Variants in VPS45 observed in about 807,000 individuals in gnomAD.
VPS45 encodes vacuolar protein sorting 45 homolog, also known as vacuolar protein sorting-associated protein 45.
A neutral mutation model predicts 75.9 loss-of-function variants in VPS45; 35 were observed. That is an observed-to-expected ratio of 0.46 (90% confidence interval 0.35 to 0.61). VPS45 has a LOEUF of 0.61. Among genes scored for constraint, VPS45 ranks in the 20% least tolerant of loss-of-function variants. The pLI is 0.00. For synonymous variants in VPS45, 220 were observed against 238.2 expected (o/e 0.92, Z 0.70); for missense variants, 559 against 685.9 (o/e 0.81, Z 2.07).
At chr1:150,100,733 A>G (rs1553804072) in intron 13 of VPS45, among the ~76,000 whole-genome samples, 1 of 152,226 alleles carries the variant, frequency 6.6e-6, no homozygotes, top group African/African-American at 2.4e-5. Context: ...GCAATGGGGA[A>G]AAGACTCATT....
chr1:150,096,516 G>A (rs1490596442), intron 13 of VPS45, among the ~76,000 whole-genome samples: 1 of 152,110 alleles, frequency 6.6e-6, no homozygotes, highest in Non-Finnish European at 1.5e-5. Context: ...GATCAGGATT[G>A]GTAAGGAGAC....
At chr1:150,121,685 G>T (rs1553809618) in intron 14 of VPS45, among the ~76,000 whole-genome samples, 1 of 152,166 alleles carries the variant, frequency 6.6e-6, no homozygotes, top group Non-Finnish European at 1.5e-5. Flanking sequence ...ATCTAGAACA[G>T]TCAGGAGTTC....
intron 3 of VPS45, among the ~76,000 whole-genome samples, chr1:150,072,750 AT>A (rs1655151568): frequency 6.6e-6 from 1 of 151,542 alleles, no homozygotes; most frequent in African/African-American, 2.4e-5. Context: ...AAAATTTTAC[AT>A]TTTACTTTGC....
At chr1:150,114,047 C>G (rs1206613972) in intron 14 of VPS45, among the ~76,000 whole-genome samples, 4 of 152,154 alleles carry the variant, frequency 2.6e-5, no homozygotes, top group African/African-American at 9.7e-5. Context: ...TTTGGTTTTA[C>G]CTTTTTAAAT....
At chr1:150,090,218 A>G (rs1360569128) in intron 10 of VPS45, among the ~76,000 whole-genome samples, 1 of 152,184 alleles carries the variant, frequency 6.6e-6, no homozygotes, top group Non-Finnish European at 1.5e-5. Flanking sequence ...ATTTATTTTG[A>G]TAGTGCCACT....
In VPS45 at chr1:150,129,703, G is replaced by C. The variant is rs902027344; in HGVS notation, c.1626-15006G>C. On this transcript the variant is annotated intron_variant, in intron 14 of 14. Transcript: ENST00000644510. ...GCCTCCCGAGTAGCTGGGACTACAC[G>C]CTACCACACCCAAATAATTTTTGTA... Among the ~76,000 whole-genome samples the C allele has an allele frequency of 2.0e-5, 3 of 151,734 alleles. No homozygotes were observed. In the South Asian group the frequency reaches 6.2e-4, roughly 32 times the overall value.
In VPS45 at chr1:150,092,060, C is replaced by T; in HGVS notation, c.1228C>T (p.Leu410Phe). 1.9e-6 allele frequency: 3 copies of T among 1,614,008 alleles called. No homozygotes were observed. Among genetic ancestry groups the T allele is most frequent in the Non-Finnish European group, 2.5e-6 (3 of 1,179,970 alleles). ...SNSLPGLMMD[L>F]RNKGVSEKYR... ...TAGCCTGCCAGGACTAATGATGGAC[C>T]TCAGGAATAAAGGTGTTTCTGAGAA... is the stretch of plus-strand genomic sequence containing the variant. Residue 410 changes from leucine to phenylalanine, a missense_variant, in exon 11 of 15, where the codon CTC (leucine) becomes TTC (phenylalanine). Transcript: ENST00000644510.
intron 14 of VPS45, among the ~76,000 whole-genome samples, chr1:150,123,833 G>A (rs981721963): frequency 6.6e-6 from 1 of 152,192 alleles, no homozygotes. Flanking sequence ...CAATAGCGCT[G>A]CCATTGCTTG....
chr1:150,136,074 C>A (rs1373375448), intron 14 of VPS45, among the ~76,000 whole-genome samples: 1 of 149,720 alleles, frequency 6.7e-6, no homozygotes, highest in Non-Finnish European at 1.5e-5. Flanking sequence ...CACGGCAAAA[C>A]CCCATCTCTA....
At chr1:150,087,674 C>T (rs1273208953) in intron 10 of VPS45, among the ~76,000 whole-genome samples, 1 of 152,092 alleles carries the variant, frequency 6.6e-6, no homozygotes, top group Non-Finnish European at 1.5e-5. Context: ...AAAGGTCCTG[C>T]GTCTCCAAGG....
rs2101515546 is a variant in VPS45, at chr1:150,076,271, T to C, written c.328T>C (p.Leu110=). Residue 110 remains leucine, a synonymous_variant, in exon 4 of 15, where the codon TTG becomes CTG. Coordinates refer to ENST00000644510, the MANE Select transcript of VPS45 (RefSeq NM_007259.5). The stretch of plus-strand genomic sequence containing the variant: ...GATCAGCAAGAGTGACGTGAAGTCA[T>C]TGGCTGAAGCTGATGAACAGGAAGT... ...NVISKSDVKS[L]AEADEQEVVA... is the part of the protein sequence containing the mutation. The C allele has an allele frequency of 1.2e-6, 2 of 1,608,552 alleles. No homozygotes were observed. Among genetic ancestry groups the C allele is most frequent in the Non-Finnish European group, 1.7e-6 (2 of 1,177,174 alleles).
intron 13 of VPS45, among the ~76,000 whole-genome samples, chr1:150,099,832 CAAAAAAAAA>C (rs1241681093): frequency 9.2e-6 from 1 of 108,538 alleles, no homozygotes; most frequent in African/African-American, 3.7e-5. Context: ...GACTCCGTCT[CAAAAAAAAA>C]AAAAAAAAAA....
At chr1:150,093,932 A>G (rs1467086987) in intron 13 of VPS45, among the ~76,000 whole-genome samples, 1 of 152,224 alleles carries the variant, frequency 6.6e-6, no homozygotes, top group Non-Finnish European at 1.5e-5. Context: ...GTTCTGTTCG[A>G]TGGCATCTGG....
chr1:150,091,914 A>G, intron 10 of VPS45, 23 bp from the exon 11 acceptor site: 1 of 1,607,352 alleles, frequency 6.2e-7, no homozygotes, highest in Non-Finnish European at 8.5e-7. Context: ...AGGGGGATAA[A>G]TATAAGTTCT....
At chr1:150,116,951 C>A (rs1276128885) in intron 14 of VPS45, among the ~76,000 whole-genome samples, 1 of 152,118 alleles carries the variant, frequency 6.6e-6, no homozygotes, top group African/African-American at 2.4e-5. Flanking sequence ...ACCTGTAATC[C>A]TAGCACTTTA....
chr1:150,081,280 C>T, intron 7 of VPS45, 62 bp from the exon 8 acceptor site: 3 of 1,485,746 alleles, frequency 2.0e-6, no homozygotes, highest in Non-Finnish European at 2.7e-6. Flanking sequence ...ATTTGTTTTC[C>T]TGAACGTTTA....
At chr1:150,072,333 A>C (rs1427542579) in intron 3 of VPS45, 107 bp downstream of exon 3, 1 of 810,640 alleles carries the variant, frequency 1.2e-6, no homozygotes, top group Non-Finnish European at 1.9e-6. Flanking sequence ...TCACTATAAA[A>C]GTCTAGTTTA....
chr1:150,106,021 G>A (rs1057031732), intron 13 of VPS45, among the ~76,000 whole-genome samples: 2 of 152,182 alleles, frequency 1.3e-5, no homozygotes, highest in East Asian at 1.9e-4. Context: ...CACCCCACTC[G>A]ATAAATTATG....
At chr1:150,105,967 C>T (rs1553805617) in intron 13 of VPS45, among the ~76,000 whole-genome samples, 1 of 152,190 alleles carries the variant, frequency 6.6e-6, no homozygotes, top group African/African-American at 2.4e-5. Context: ...CTACAACCAA[C>T]TGATCTTCAA....
Sources: gnomAD v4.1 joint callset for allele counts (sites outside exome capture counted in the v4.1 genomes callset) on GRCh38, gnomAD v4.1.1 for gene constraint, MANE v1.5 for transcripts, NCBI Gene and HGNC (gene_info 2026-07-23, HGNC 2026-07-21) for gene names.